Variants in DNM3 observed in about 807,000 individuals in gnomAD.
DNM3 encodes the protein dynamin-3.
DNM3 carries 47 observed loss-of-function variants against 101.6 expected under a neutral mutation model. That is an observed-to-expected ratio of 0.46 (90% CI 0.37 to 0.59). The LOEUF (loss-of-function observed/expected upper bound fraction) is 0.59. Ranked by LOEUF, DNM3 falls within the 20% of genes least tolerant of loss-of-function variation. The pLI is 0.00. For synonymous variants in DNM3, 385 were observed against 387.9 expected (o/e 0.99, Z 0.09); for missense variants, 849 against 1,085.7 (o/e 0.78, Z 3.06).
chr1:171,956,469 C>G (rs2042863553), intron 2 of DNM3, among the ~76,000 whole-genome samples: 1 of 152,178 alleles, frequency 6.6e-6, no homozygotes, highest in African/African-American at 2.4e-5. Context: ...TACAAGTGGG[C>G]TCCCATGGCC....
chr1:172,048,799 C>T (rs769703345), intron 10 of DNM3, 49 bp downstream of exon 10: 5 of 1,585,556 alleles, frequency 3.2e-6, no homozygotes, highest in Non-Finnish European at 4.3e-6. Context: ...GGTTTATCAA[C>T]ATTCCCTATC....
intron 13 of DNM3, among the ~76,000 whole-genome samples, chr1:172,094,993 A>G (rs1453231777): frequency 6.6e-6 from 1 of 152,226 alleles, no homozygotes; most frequent in East Asian, 1.9e-4. Context: ...CAGTTATATT[A>G]CTTCCAAATG....
At chr1:172,201,273 A>G (rs2060143057) in intron 14 of DNM3, among the ~76,000 whole-genome samples, 1 of 151,990 alleles carries the variant, frequency 6.6e-6, no homozygotes, top group African/African-American at 2.4e-5. Flanking sequence ...TTCTCTCTCA[A>G]TGCTCTGAAA....
intron 13 of DNM3, among the ~76,000 whole-genome samples, chr1:172,117,082 G>T (rs1210829361): frequency 1.3e-5 from 2 of 152,006 alleles, no homozygotes; most frequent in Non-Finnish European, 2.9e-5. Context: ...GTGCATGCTT[G>T]TAATCCCAGC....
chr1:172,034,367 C>T (rs1378228713), intron 6 of DNM3, among the ~76,000 whole-genome samples: 3 of 151,964 alleles, frequency 2.0e-5, no homozygotes, highest in African/African-American at 4.8e-5. Context: ...TTTGCACTGT[C>T]AAAACTCTCT....
chr1:172,315,439 C>G (rs547422721), intron 16 of DNM3, among the ~76,000 whole-genome samples: 1 of 152,106 alleles, frequency 6.6e-6, no homozygotes, highest in African/African-American at 2.4e-5. Flanking sequence ...CAAACTACTC[C>G]GAGCTACAGG....
In DNM3 at chr1:172,265,987, C is replaced by G. The variant is rs554990297; in HGVS notation, c.1769+12305C>G. On this transcript the variant is annotated intron_variant, in intron 15 of 20. Transcript: ENST00000627582. ...CCAAGTGTTCCAATTCACCTCCTCC[C>G]CCTTTTCCTATAGAAAGTGATTTTA... Among the ~76,000 whole-genome samples, 6 of 152,302 alleles carry G rather than the reference C, an allele frequency of 3.9e-5. No individual in the cohort carries two copies. In the East Asian group the frequency reaches 9.6e-4, roughly 24 times the overall value.
intron 18 of DNM3, among the ~76,000 whole-genome samples, chr1:172,379,564 C>T (rs1307885933): frequency 6.6e-6 from 1 of 151,982 alleles, no homozygotes; most frequent in African/African-American, 2.4e-5. Context: ...TTCCTATGCC[C>T]ATGCGTGTGC....
chr1:172,258,425 A>G (rs2062508465), intron 15 of DNM3, among the ~76,000 whole-genome samples: 1 of 151,946 alleles, frequency 6.6e-6, no homozygotes, highest in Non-Finnish European at 1.5e-5. Context: ...CACCGCCATC[A>G]ACAGATTAAA....
At chr1:172,177,483 C>T (rs971688806) in intron 14 of DNM3, among the ~76,000 whole-genome samples, 4 of 151,696 alleles carry the variant, frequency 2.6e-5, no homozygotes, top group Non-Finnish European at 5.9e-5. Context: ...GAATGTATCC[C>T]CTACACATAA....
chr1:172,410,749 T>C lies in DNM3; in HGVS notation c.*2908T>C. 1.0e-6 allele frequency: 1 copy of C among 985,350 alleles called. No homozygotes were observed. The allele number at this position is 985,350 out of a possible 1,614,324, so 61.0% of individuals were successfully genotyped here. A position where few individuals can be genotyped will look rare whatever the true frequency, so the allele number is the denominator to read the frequency against. On this transcript the variant is annotated 3_prime_UTR_variant, in exon 21 of 21. Transcript: ENST00000627582. ...AATACAAACTCACTTTATTCTAAAG[T>C]ATATTAATGAAACCAGTTCCTGTGA...
chr1:172,039,325 C>T (rs539104915), intron 7 of DNM3, among the ~76,000 whole-genome samples: 1 of 152,054 alleles, frequency 6.6e-6, no homozygotes, highest in Admixed American at 6.6e-5. Context: ...TCAAAGCATC[C>T]TTCAATTGGC....
chr1:172,086,385 C>T (rs2053533717), intron 12 of DNM3, among the ~76,000 whole-genome samples: 1 of 152,134 alleles, frequency 6.6e-6, no homozygotes, highest in South Asian at 2.1e-4. Context: ...TGTTCATAAT[C>T]TTTCTTGGAT....
chr1:172,173,529 G>C (rs943753604), intron 14 of DNM3, among the ~76,000 whole-genome samples: 2 of 148,452 alleles, frequency 1.3e-5, no homozygotes, highest in East Asian at 3.9e-4. Flanking sequence ...CTATGTTGCT[G>C]TGTTGCCTAA....
At position 172,410,787 on chromosome 1, in the gene DNM3, C is replaced by A; in HGVS notation, c.*2946C>A. The A allele has an allele frequency of 9.1e-6, 9 of 985,258 alleles. No homozygotes were observed. The highest frequency in any genetic ancestry group is 9.6e-6 in the Non-Finnish European group (8 of 829,806). 61.0% of individuals were successfully genotyped at this position (985,258 alleles called of 1,614,324 possible). ...CCAGTTCCTGTGATGTAACTGTAAG[C>A]CTTCTCGACTTAGACTTAAAAAGTG... On this transcript the variant is annotated 3_prime_UTR_variant, in exon 21 of 21. Transcript: ENST00000627582.
intron 1 of DNM3, among the ~76,000 whole-genome samples, chr1:171,896,435 C>T (rs980187518): frequency 6.6e-6 from 1 of 152,144 alleles, no homozygotes; most frequent in Non-Finnish European, 1.5e-5. Flanking sequence ...ATTTGGCTCT[C>T]TGTTTGTCTA....
chr1:171,934,108 T>G (rs1283918369), intron 2 of DNM3, among the ~76,000 whole-genome samples: 2 of 152,242 alleles, frequency 1.3e-5, no homozygotes, highest in African/African-American at 2.4e-5. Flanking sequence ...GTGATGAAAA[T>G]GCCTTTTGTG....
intron 12 of DNM3, among the ~76,000 whole-genome samples, chr1:172,083,873 C>G (rs2053336273): frequency 1.3e-5 from 2 of 152,078 alleles, no homozygotes; most frequent in African/African-American, 2.4e-5. Context: ...TTGACGTAGT[C>G]TCTCTGTGTC....
At chr1:172,320,547 G>C (rs1199661932) in intron 16 of DNM3, among the ~76,000 whole-genome samples, 1 of 152,036 alleles carries the variant, frequency 6.6e-6, no homozygotes, top group Non-Finnish European at 1.5e-5. Context: ...ACCAAACACT[G>C]TATGTTCTTA....
Sources: allele counts gnomAD v4.1 joint callset (sites outside exome capture counted in the v4.1 genomes callset), GRCh38; gene constraint gnomAD v4.1.1; transcripts MANE v1.5; gene names NCBI Gene and HGNC (gene_info 2026-07-23, HGNC 2026-07-21).